Variants in SDK1 observed in about 807,000 individuals in gnomAD.
The protein encoded by SDK1 is protein sidekick-1.
In SDK1, 157 loss-of-function variants were observed where a neutral mutation model predicts 245.5. That is an observed-to-expected ratio of 0.64 (90% CI 0.56 to 0.73). SDK1 has a LOEUF of 0.73. SDK1 is among the 30% of genes least tolerant of loss of function. The pLI is 0.00. For synonymous variants in SDK1, 1,647 were observed against 1,278.5 expected (o/e 1.29, Z -6.15); for missense variants, 3,583 against 3,002.3 (o/e 1.19, Z -4.52).
intron 4 of SDK1, among the ~76,000 whole-genome samples, chr7:3,796,560 G>T (rs531086547): frequency 6.6e-6 from 1 of 152,160 alleles, no homozygotes; most frequent in South Asian, 2.1e-4. Flanking sequence ...CCACCTGCTG[G>T]CTCCACTTTC....
intron 1 of SDK1, among the ~76,000 whole-genome samples, chr7:3,531,748 G>C (rs1191337666): frequency 1.3e-5 from 2 of 152,292 alleles, no homozygotes; most frequent in East Asian, 1.9e-4. Flanking sequence ...CTTAGAAAAG[G>C]AATGATTTTG....
chr7:3,546,216 C>A (rs919503349), intron 1 of SDK1, among the ~76,000 whole-genome samples: 6 of 152,096 alleles, frequency 3.9e-5, no homozygotes, highest in African/African-American at 1.2e-4. Flanking sequence ...GATGATGACA[C>A]CGCGGGTCTG....
At chr7:4,154,710 C>A (rs1216556031) in intron 30 of SDK1, among the ~76,000 whole-genome samples, 1 of 152,158 alleles carries the variant, frequency 6.6e-6, no homozygotes, top group Admixed American at 6.5e-5. Context: ...ATGTCCATAG[C>A]CGAATACAGC....
intron 1 of SDK1, among the ~76,000 whole-genome samples, chr7:3,411,579 G>A (rs931295840): frequency 6.6e-6 from 1 of 152,118 alleles, no homozygotes. Flanking sequence ...GCTATCTTAT[G>A]GATCTGTGAT....
At chr7:3,429,703 C>T (rs1228963365) in intron 1 of SDK1, among the ~76,000 whole-genome samples, 1 of 151,380 alleles carries the variant, frequency 6.6e-6, no homozygotes, top group Non-Finnish European at 1.5e-5. Context: ...CTCAAGCAAT[C>T]CTCCCGCCTC....
intron 5 of SDK1, among the ~76,000 whole-genome samples, chr7:3,945,496 A>G (rs551172869): frequency 1.3e-5 from 2 of 152,208 alleles, no homozygotes; most frequent in African/African-American, 2.4e-5. Flanking sequence ...TATTTCACCC[A>G]TGAAACAAGA....
rs1396255362 is a variant in SDK1 at position 4,267,946 on chromosome 7, A to G, written c.*2562A>G. The G allele has an allele frequency of 1.0e-6, 1 of 985,394 alleles. No individual in the cohort carries two copies. The highest frequency in any genetic ancestry group is 1.7e-5 in the African/African-American group (1 of 57,258). 61.0% of individuals were successfully genotyped at this position (985,394 alleles called of 1,614,324 possible). On this transcript the variant is annotated 3_prime_UTR_variant, in exon 45 of 45. Coordinates refer to ENST00000404826, the MANE Select transcript of SDK1 (RefSeq NM_152744.4). The stretch of plus-strand genomic sequence containing the variant: ...GTTTCCAGGTAGATTTTGGCCTCCC[A>G]GAGCAATGCGGCATTTGAGAAGCAA...
At chr7:3,686,366 A>C (rs1784280985) in intron 4 of SDK1, among the ~76,000 whole-genome samples, 1 of 152,214 alleles carries the variant, frequency 6.6e-6, no homozygotes, top group African/African-American at 2.4e-5. Flanking sequence ...ATAAGCCACC[A>C]TGCCTGGCCA....
chr7:3,494,461 G>A (rs371371543), intron 1 of SDK1, among the ~76,000 whole-genome samples: 157 of 152,262 alleles, frequency 1.0e-3, no homozygotes, highest in African/African-American at 3.6e-3. Context: ...GGAAGACAGT[G>A]TTAGAAATTA....
intron 14 of SDK1, among the ~76,000 whole-genome samples, chr7:4,010,201 G>T (rs952162173): frequency 6.6e-6 from 1 of 152,214 alleles, no homozygotes; most frequent in Non-Finnish European, 1.5e-5. Flanking sequence ...AGCGGATGCT[G>T]GAAGTCACTG....
At chr7:3,740,197 T>C (rs566452948) in intron 4 of SDK1, among the ~76,000 whole-genome samples, 2 of 152,180 alleles carry the variant, frequency 1.3e-5, no homozygotes, top group Non-Finnish European at 2.9e-5. Context: ...TGACGTACAC[T>C]GTACGTCAAA....
In SDK1 at chr7:3,789,836, G is replaced by A. The variant is rs10232222; in HGVS notation, c.714-31614G>A. Reference sequence around the variant, plus strand: ...AGACACAGGAGCTGACCAGCGGAACGGGGACTGTTGCAGTCAGAGAGCCTG... The same window carrying A: ...AGACACAGGAGCTGACCAGCGGAACAGGGACTGTTGCAGTCAGAGAGCCTG... On this transcript the variant is annotated intron_variant, in intron 4 of 44. Transcript: ENST00000404826. 5.6e-3 allele frequency among the ~76,000 whole-genome samples: 850 copies of A among 152,168 alleles called. 9 individuals are homozygous for A. The highest frequency in any genetic ancestry group is 0.02 in the African/African-American group (817 of 41,516).
Position 3,974,349 on chromosome 7 carries a change from AC to A in SDK1, c.1818-17del, listed in dbSNP as rs1340543413. ...GTCACTGTGGGGTTTGTAACTCAAG[AC>A]CCTTTGCTTGGCCCACAGCTACGTT... is the stretch of plus-strand genomic sequence containing the variant. On this transcript the variant is annotated intron_variant, in intron 12 of 44. Coordinates refer to ENST00000404826, the MANE Select transcript of SDK1 (RefSeq NM_152744.4). 1 of 1,603,376 alleles carries A rather than the reference AC, an allele frequency of 6.2e-7. No homozygotes were observed. The highest frequency in any genetic ancestry group is 1.3e-5 in the African/African-American group (1 of 74,688).
At chr7:3,709,837 A>G (rs1037762453) in intron 4 of SDK1, among the ~76,000 whole-genome samples, 1 of 152,218 alleles carries the variant, frequency 6.6e-6, no homozygotes, top group Admixed American at 6.5e-5. Context: ...TAGAAGCTGT[A>G]GGCTCTCTCC....
intron 22 of SDK1, among the ~76,000 whole-genome samples, chr7:4,107,269 G>T (rs1214036498): frequency 6.6e-6 from 1 of 152,062 alleles, no homozygotes; most frequent in Non-Finnish European, 1.5e-5. Context: ...AACCCGCCAG[G>T]CGTCTGTTTC....
At chr7:3,345,090 A>G (rs1332921494) in intron 1 of SDK1, among the ~76,000 whole-genome samples, 4 of 152,238 alleles carry the variant, frequency 2.6e-5, no homozygotes, top group Non-Finnish European at 5.9e-5. Flanking sequence ...GTCTTGTTGT[A>G]GAACTTCGGG....
At chr7:3,528,509 T>C (rs982628579) in intron 1 of SDK1, among the ~76,000 whole-genome samples, 1 of 151,954 alleles carries the variant, frequency 6.6e-6, no homozygotes, top group African/African-American at 2.4e-5. Flanking sequence ...TTGAGTAGGG[T>C]TGGGCTGTAA....
intron 4 of SDK1, among the ~76,000 whole-genome samples, chr7:3,686,385 G>A (rs534752902): frequency 3.0e-4 from 45 of 152,260 alleles, no homozygotes; most frequent in Admixed American, 5.9e-4. Context: ...CAAGGCAAAC[G>A]TTACTTTTTT....
chr7:3,391,530 T>C (rs527881718), intron 1 of SDK1, among the ~76,000 whole-genome samples: 1 of 152,262 alleles, frequency 6.6e-6, no homozygotes, highest in East Asian at 1.9e-4. Context: ...AAAGGAATTA[T>C]TATACCCAAA....
Sources: allele counts gnomAD v4.1 joint callset (sites outside exome capture counted in the v4.1 genomes callset), GRCh38; gene constraint gnomAD v4.1.1; transcripts MANE v1.5; gene names NCBI Gene and HGNC (gene_info 2026-07-23, HGNC 2026-07-21).